The following GARNL3 variants were observed in gnomAD, a reference collection of about 807,000 sequenced individuals.
GARNL3 encodes GTPase activating Rap/RanGAP domain like 3, also known as GTPase-activating Rap/Ran-GAP domain-like protein 3.
In GARNL3, 63 loss-of-function variants were observed where a neutral mutation model predicts 125.0. The ratio of observed to expected loss-of-function variants is 0.50; its 90% CI spans 0.41 to 0.62. The LOEUF (loss-of-function observed/expected upper bound fraction) is 0.62, where lower values mean the gene tolerates loss of function less well. Ranked by LOEUF, GARNL3 falls within the 20% of genes least tolerant of loss-of-function variation. The pLI is 0.00. For missense variants in GARNL3, 994 were observed against 1,244.0 expected (o/e 0.80, Z 3.02); for synonymous variants, 439 against 457.5 (o/e 0.96, Z 0.52).
upstream of GARNL3, chr9:127,263,977 A>G (rs781166285): frequency 4.9e-5 from 75 of 1,528,678 alleles, no homozygotes; most frequent in African/African-American, 7.8e-4. Context: ...AATGCAACCT[A>G]CCTTTTAAGG....
At chr9:127,274,051 C>A (rs911717186) in intron 1 of GARNL3, among the ~76,000 whole-genome samples, 8 of 152,120 alleles carry the variant, frequency 5.3e-5, no homozygotes, top group African/African-American at 1.9e-4. Context: ...AAGTAAGCTG[C>A]TTTTAAATCC....
chr9:127,242,185 C>G lies in GARNL3; in HGVS notation c.-28-894C>G, dbSNP rs191827914. ...TCTTTCTTTCTTTCTTTTTTAAATT[C>G]ACTCGCGACTCCAGCCAGAGATGTC... On this transcript the variant is annotated intron_variant, in intron 1 of 10. Coordinates refer to the GARNL3 transcript ENST00000439286. The surrounding 1 kb of genome is among the most constrained non-coding windows in gnomAD (Gnocchi z 4.6). Among the ~76,000 whole-genome samples, 263 of 151,804 alleles carry G rather than the reference C, an allele frequency of 1.7e-3. No individual in the cohort carries two copies. The highest frequency in any genetic ancestry group is 5.9e-3 in the African/African-American group (245 of 41,432).
chr9:127,252,152 C>A (rs1306548459), intron 2 of GARNL3, among the ~76,000 whole-genome samples: 1 of 152,146 alleles, frequency 6.6e-6, no homozygotes, highest in Non-Finnish European at 1.5e-5. Flanking sequence ...TTCTGTGGAA[C>A]CTCCCTGCAT....
rs533787277 is a variant in GARNL3 at position 127,243,033 on chromosome 9, C to T, written c.-28-46C>T. 9.6e-5 allele frequency: 125 copies of T among 1,300,276 alleles called. 1 individual carries two copies. The South Asian group carries it at 1.4e-3, about 14-fold the overall frequency. The allele number at this position is 1,300,276 out of a possible 1,614,324, so 80.5% of individuals were successfully genotyped here. A position where few individuals can be genotyped will look rare whatever the true frequency, so the allele number is the denominator to read the frequency against. ...TAAAGCAGGCCAGGGATTGGCCTGC[C>T]GTTCTTCTCTGTCTCTTAGTGCCTT... On this transcript the variant is annotated intron_variant, in intron 1 of 10. Coordinates refer to the GARNL3 transcript ENST00000439286.
intron 1 of GARNL3, among the ~76,000 whole-genome samples, chr9:127,237,234 C>T (rs537697332): frequency 1.3e-5 from 2 of 152,296 alleles, no homozygotes; most frequent in South Asian, 4.1e-4. Context: ...AACTACAGAC[C>T]CATGCTGCCG....
At chr9:127,344,155 T>A in intron 14 of GARNL3, 80 bp from the exon 15 acceptor site, 1 of 907,954 alleles carries the variant, frequency 1.1e-6, no homozygotes, top group Non-Finnish European at 1.7e-6. Flanking sequence ...TTTGGATAAA[T>A]AGTTTTGTGC....
At chr9:127,270,080 C>T (rs2063789090) in intron 1 of GARNL3, among the ~76,000 whole-genome samples, 1 of 152,024 alleles carries the variant, frequency 6.6e-6, no homozygotes. Flanking sequence ...GTCTTTGAGC[C>T]ATTTTGAGTT....
At chr9:127,244,294 A>T (rs1290443450) in intron 2 of GARNL3, among the ~76,000 whole-genome samples, 1 of 152,222 alleles carries the variant, frequency 6.6e-6, no homozygotes, top group Non-Finnish European at 1.5e-5. Flanking sequence ...AAGAGAAGGG[A>T]TAACAGTTGA....
chr9:127,315,242 T>C (rs1183385962), intron 4 of GARNL3, among the ~76,000 whole-genome samples: 2 of 152,196 alleles, frequency 1.3e-5, no homozygotes, highest in African/African-American at 2.4e-5. Context: ...CCTCTTGGCC[T>C]GAAACTAGTG....
intron 2 of GARNL3, among the ~76,000 whole-genome samples, chr9:127,251,529 G>A (rs77364450): frequency 0.05 from 7,613 of 152,152 alleles, 351 homozygotes; most frequent in Non-Finnish European, 0.068. Context: ...CTTCCACTAC[G>A]TGGTCTGAAT....
At chr9:127,389,164 G>T (rs1832703279) in intron 26 of GARNL3, 45 bp downstream of exon 26, 2 of 1,374,804 alleles carry the variant, frequency 1.5e-6, no homozygotes, top group African/African-American at 2.9e-5. Flanking sequence ...GAACAGACCA[G>T]CTGGTTTTAT....
At chr9:127,282,376 A>C (rs540051521) in intron 1 of GARNL3, among the ~76,000 whole-genome samples, 1 of 152,328 alleles carries the variant, frequency 6.6e-6, no homozygotes, top group Admixed American at 6.5e-5. Flanking sequence ...AGCACTTATT[A>C]TGTCCAGGTA....
At chr9:127,284,034 A>T (rs1052817282) in intron 1 of GARNL3, among the ~76,000 whole-genome samples, 2 of 152,188 alleles carry the variant, frequency 1.3e-5, no homozygotes, top group African/African-American at 4.8e-5. Context: ...TTCTCAAAGG[A>T]AACTGCCCCA....
At chr9:127,263,824 C>A, upstream of GARNL3, 1 of 1,293,610 alleles carries the variant, frequency 7.7e-7, no homozygotes, top group African/African-American at 1.5e-5. Context: ...AGCAGAATGC[C>A]ATTAGACTCT....
intron 1 of GARNL3, among the ~76,000 whole-genome samples, chr9:127,229,255 T>A (rs921052335): frequency 1.7e-4 from 26 of 152,216 alleles, no homozygotes; most frequent in African/African-American, 6.0e-4. Flanking sequence ...CTCACAACCC[T>A]GACTGTGTGT....
chr9:127,238,003 C>A (rs890925549), intron 1 of GARNL3, among the ~76,000 whole-genome samples: 5 of 152,142 alleles, frequency 3.3e-5, no homozygotes, highest in African/African-American at 1.2e-4. Context: ...AGCAGTGGAG[C>A]AGGTTTCCCA....
chr9:127,361,724 G>C (rs778752648), intron 21 of GARNL3: 1 of 152,210 alleles, frequency 6.6e-6, no homozygotes, highest in Non-Finnish European at 1.5e-5. Flanking sequence ...ATATTGCCAC[G>C]TCTGTCTGCC....
chr9:127,333,774 G>A (rs1261162467), intron 9 of GARNL3, among the ~76,000 whole-genome samples: 2 of 152,188 alleles, frequency 1.3e-5, no homozygotes, highest in Admixed American at 6.5e-5. Flanking sequence ...TGAGAATGAT[G>A]CAATGTGGCC....
intron 26 of GARNL3, among the ~76,000 whole-genome samples, chr9:127,389,921 TAAAAAAAA>T (rs1169168184): frequency 6.4e-5 from 5 of 78,686 alleles, no homozygotes; most frequent in Admixed American, 1.5e-4. Context: ...ACCCTGTCTT[TAAAAAAAA>T]AAAAAAAAAA....
Sources: allele counts gnomAD v4.1 joint callset (sites outside exome capture counted in the v4.1 genomes callset), GRCh38; gene constraint gnomAD v4.1.1; non-coding constraint Gnocchi (gnomAD v3.1); transcripts MANE v1.5; gene names NCBI Gene and HGNC (gene_info 2026-07-23, HGNC 2026-07-21).